The following ERMP1 variants were observed in gnomAD, a reference collection of about 807,000 sequenced individuals.
The protein encoded by ERMP1 is endoplasmic reticulum metallopeptidase 1.
In ERMP1, 86 loss-of-function variants were observed where a neutral mutation model predicts 92.0. That is an observed-to-expected ratio of 0.93 (90% CI 0.79 to 1.12). The LOEUF is 1.12. Among genes scored for constraint, ERMP1 ranks in the 50% most tolerant of loss-of-function variants. The pLI, the probability that ERMP1 is intolerant of heterozygous loss-of-function variation, is 0.00. For synonymous variants in ERMP1, 530 were observed against 412.8 expected (o/e 1.28, Z -3.44); for missense variants, 1,342 against 1,116.3 (o/e 1.20, Z -2.88).
chr9:5,866,728 T>A (rs1830676037), intron 5 of ERMP1, among the ~76,000 whole-genome samples: 1 of 152,128 alleles, frequency 6.6e-6, no homozygotes, highest in South Asian at 2.1e-4. Context: ...AAAATCTGAG[T>A]GGCGATGAGA....
At chr9:5,827,153 T>G (rs565464254) in intron 2 of ERMP1, among the ~76,000 whole-genome samples, 3 of 152,294 alleles carry the variant, frequency 2.0e-5, no homozygotes, top group African/African-American at 7.2e-5. Context: ...TTGGTATCAA[T>G]TCCTGAGTCC....
Position 5,805,204 on chromosome 9 carries a change from T to C in ERMP1, c.1737A>G (p.Lys579=), listed in dbSNP as rs1828824069. The change falls in exon 10 of 15, where the codon AAA becomes AAG. Residue 579 remains lysine, a synonymous_variant. Coordinates refer to ENST00000339450, the MANE Select transcript of ERMP1 (RefSeq NM_024896.3). ...KDFKQHGAQG[K]FIAFYLLGMF... is the part of the protein sequence containing the mutation. ...TCCCCAAAAGGTAAAAAGCAATAAA[T>C]TTTCCTTGGGCACCTAGGGAAAAAG... 1.9e-6 allele frequency: 3 copies of C among 1,605,280 alleles called. No individual in the cohort carries two copies. Among genetic ancestry groups the C allele is most frequent in the Non-Finnish European group, 2.5e-6 (3 of 1,177,326 alleles).
chr9:5,803,851 A>G (rs190808514), intron 10 of ERMP1, among the ~76,000 whole-genome samples: 2 of 152,294 alleles, frequency 1.3e-5, no homozygotes, highest in Admixed American at 1.3e-4. Context: ...TAATTATCCT[A>G]TAAGTAAAAT....
chr9:5,807,659 C>A (rs1828918997), intron 8 of ERMP1, among the ~76,000 whole-genome samples: 1 of 151,958 alleles, frequency 6.6e-6, no homozygotes, highest in South Asian at 2.1e-4. Flanking sequence ...GGCACAAGAA[C>A]AGCTAGAACC....
At chr9:5,831,202 A>G (rs1039956977) in intron 1 of ERMP1, among the ~76,000 whole-genome samples, 174 bp from the exon 2 acceptor site, 6 of 152,176 alleles carry the variant, frequency 3.9e-5, no homozygotes, top group Admixed American at 1.3e-4. Flanking sequence ...ATAAAGTTCC[A>G]TATTTTTATT....
At chr9:5,832,513 C>T in intron 1 of ERMP1, 177 bp downstream of exon 1, 1 of 505,426 alleles carries the variant, frequency 2.0e-6, no homozygotes, top group Non-Finnish European at 3.4e-6. Flanking sequence ...CAAGTCCCGG[C>T]AATTCAGACC....
chr9:5,820,320 A>G (rs928161012), intron 4 of ERMP1, among the ~76,000 whole-genome samples: 1 of 152,234 alleles, frequency 6.6e-6, no homozygotes, highest in African/African-American at 2.4e-5. Context: ...GTGGCTATAA[A>G]GTAGCAGACA....
intron 6 of ERMP1, among the ~76,000 whole-genome samples, chr9:5,838,540 A>AAAAG (rs1554627928): frequency 3.3e-5 from 5 of 152,072 alleles, no homozygotes; most frequent in African/African-American, 9.6e-5. Context: ...CAAAAAAAAA[A>AAAAG]AAGAAGAAGA....
chr9:5,806,073 G>A (rs1353726283), intron 8 of ERMP1, among the ~76,000 whole-genome samples: 1 of 152,154 alleles, frequency 6.6e-6, no homozygotes, highest in East Asian at 1.9e-4. Context: ...TTCCAAAATA[G>A]AAGAAAGGAC....
chr9:5,851,633 A>G (rs377603434), intron 6 of ERMP1, among the ~76,000 whole-genome samples: 1 of 152,296 alleles, frequency 6.6e-6, no homozygotes, highest in African/African-American at 2.4e-5. Flanking sequence ...ACTTCCTTCT[A>G]TGGTCAAACC....
chr9:5,846,800 G>A (rs1208847619), intron 6 of ERMP1, among the ~76,000 whole-genome samples: 5 of 152,160 alleles, frequency 3.3e-5, no homozygotes, highest in Admixed American at 3.3e-4. Context: ...GGACTTGTTT[G>A]TGTTTATGGA....
rs1025010329 is a variant in ERMP1 at position 5,828,876 on chromosome 9, C to T, written c.640+1851G>A. Among the ~76,000 whole-genome samples the T allele has an allele frequency of 5.9e-5, 9 of 152,050 alleles. No individual in the cohort carries two copies. The South Asian group carries it at 1.0e-3, about 18-fold the overall frequency. On this transcript the variant is annotated intron_variant, in intron 2 of 14. Transcript: ENST00000339450. Reference sequence around the variant, plus strand: ...CTTAAGCAACCATGGTGTTTATTTGCCGCTTCCCAGAATTTAAGCATCATA... The same window carrying T: ...CTTAAGCAACCATGGTGTTTATTTGTCGCTTCCCAGAATTTAAGCATCATA...
chr9:5,862,515 T>A (rs2129785415), intron 5 of ERMP1, among the ~76,000 whole-genome samples: 2 of 152,202 alleles, frequency 1.3e-5, no homozygotes, highest in African/African-American at 4.8e-5. Flanking sequence ...TAATTTTTTG[T>A]ACTTTTTATT....
chr9:5,865,835 C>T (rs1397142208), intron 5 of ERMP1, among the ~76,000 whole-genome samples: 1 of 59,560 alleles, frequency 1.7e-5, no homozygotes, highest in Admixed American at 1.8e-4. Flanking sequence ...GAGGCTCTGT[C>T]TCAAAAAAAA....
At chr9:5,856,394 G>T in intron 6 of ERMP1, 1 of 184,158 alleles carries the variant, frequency 5.4e-6, no homozygotes, top group South Asian at 1.2e-4. Flanking sequence ...GGAGCGGCCG[G>T]AGGATGACCA....
intron 4 of ERMP1, among the ~76,000 whole-genome samples, chr9:5,815,494 CAAAAAAAA>C (rs3068691): frequency 1.0e-5 from 1 of 97,422 alleles, no homozygotes; most frequent in African/African-American, 4.4e-5. Flanking sequence ...ACTGAAATAA[CAAAAAAAA>C]AAAAAAAAAA....
chr9:5,845,609 T>A (rs1830225548), intron 6 of ERMP1, among the ~76,000 whole-genome samples: 1 of 152,174 alleles, frequency 6.6e-6, no homozygotes, highest in South Asian at 2.1e-4. Flanking sequence ...CTCCCTTCCA[T>A]TTGCTACCAG....
intron 4 of ERMP1, 100 bp from the exon 5 acceptor site, chr9:5,813,135 T>C: frequency 7.9e-7 from 1 of 1,263,786 alleles, no homozygotes; most frequent in East Asian, 2.4e-5. Context: ...GTGGTGGTTT[T>C]GGGAGACGGG....
chr9:5,812,588 C>CA (rs570560483), intron 5 of ERMP1: 27 of 432,860 alleles, frequency 6.2e-5, no homozygotes, highest in African/African-American at 4.8e-4. Flanking sequence ...AGGGAGTTGG[C>CA]AAACCAAGAC....
Sources: allele counts gnomAD v4.1 joint callset (sites outside exome capture counted in the v4.1 genomes callset), GRCh38; gene constraint gnomAD v4.1.1; transcripts MANE v1.5; gene names NCBI Gene and HGNC (gene_info 2026-07-23, HGNC 2026-07-21).